RBFOX3: variants seen among roughly 807,000 people sequenced by gnomAD.
The protein encoded by RBFOX3 is RNA binding protein fox-1 homolog 3.
In RBFOX3, 17 loss-of-function variants were observed where a neutral mutation model predicts 48.7. The ratio of observed to expected loss-of-function variants is 0.35; its 90% CI spans 0.24 to 0.52. RBFOX3 has a LOEUF of 0.52. Among genes scored for constraint, RBFOX3 ranks in the 20% least tolerant of loss-of-function variants. The pLI is 0.94. For synonymous variants in RBFOX3, 212 were observed against 209.5 expected, an observed-to-expected ratio of 1.01 and a Z score of -0.10; for missense variants, 382 against 497.5, an observed-to-expected ratio of 0.77 and a Z score of 2.21.
At position 79,220,962 on chromosome 17, in the gene RBFOX3, A is replaced by C. The variant is rs897124057; in HGVS notation, c.-34+14804T>G. On this transcript the variant is annotated intron_variant, in intron 4 of 14. Transcript: ENST00000693108. This position sits in a 1 kb window ranked among gnomAD's most constrained non-coding sequence, Gnocchi z 5.9. ...GGCCACCGCCTGCAGGAGAGCCTGC[A>C]TCTAACGTCTGTCCTGCCTCAGCGT... is the stretch of plus-strand genomic sequence containing the variant. 8.5e-5 allele frequency among the ~76,000 whole-genome samples: 13 copies of C among 152,164 alleles called. No homozygotes were observed. Among genetic ancestry groups the C allele is most frequent in the Admixed American group, 3.3e-4 (5 of 15,286 alleles).
At chr17:79,339,948 C>T (rs901830868) in intron 2 of RBFOX3, among the ~76,000 whole-genome samples, 1 of 152,218 alleles carries the variant, frequency 6.6e-6, no homozygotes, top group Non-Finnish European at 1.5e-5. Flanking sequence ...CAGAGTCCTG[C>T]TGATGCCCCC....
chr17:79,401,661 C>T (rs1468870136), intron 2 of RBFOX3, among the ~76,000 whole-genome samples: 1 of 152,228 alleles, frequency 6.6e-6, no homozygotes, highest in Non-Finnish European at 1.5e-5. Flanking sequence ...ATCCCATGCC[C>T]CGTGTTTGGA....
chr17:79,262,100 T>C (rs2065881428), intron 3 of RBFOX3, among the ~76,000 whole-genome samples: 1 of 152,264 alleles, frequency 6.6e-6, no homozygotes, highest in Non-Finnish European at 1.5e-5. Context: ...AGATTCCCTT[T>C]CTCTGCCTGG....
chr17:79,415,483 C>T (rs551130541), intron 2 of RBFOX3, among the ~76,000 whole-genome samples: 10 of 152,332 alleles, frequency 6.6e-5, no homozygotes, highest in African/African-American at 1.9e-4. Context: ...CTGGACATCT[C>T]GGCTCTTGTA....
chr17:79,631,696 C>T, the RBFOX3 span, among the ~76,000 whole-genome samples: 2 of 152,206 alleles, frequency 1.3e-5, no homozygotes, highest in African/African-American at 2.4e-5. Flanking sequence ...AGTGGCTCAC[C>T]TCTCAGGAGG....
intron 5 of RBFOX3, among the ~76,000 whole-genome samples, chr17:79,112,376 GGATGAACACGGACTTCCCA>G (rs1359454068): frequency 5.3e-5 from 8 of 152,278 alleles, no homozygotes; most frequent in Non-Finnish European, 1.0e-4. Flanking sequence ...GCCCTGAGTT[GGATGAACACGGACTTCCCA>G]CCAATTGCTG....
chr17:79,150,644 A>G (rs1175557207), intron 4 of RBFOX3, among the ~76,000 whole-genome samples: 1 of 152,124 alleles, frequency 6.6e-6, no homozygotes, highest in Non-Finnish European at 1.5e-5. Flanking sequence ...TCTGGGGGCA[A>G]GGCCAGGCCT....
At chr17:79,118,577 CA>C (rs2034762566) in intron 4 of RBFOX3, among the ~76,000 whole-genome samples, 1 of 152,092 alleles carries the variant, frequency 6.6e-6, no homozygotes, top group African/African-American at 2.4e-5. Context: ...CCTGCAGACA[CA>C]GGGGAGATGA....
In RBFOX3 at chr17:79,407,118, C is replaced by T. The variant is rs140971880; in HGVS notation, c.-175+75336G>A. Among the ~76,000 whole-genome samples the T allele has an allele frequency of 2.0e-4, 31 of 152,364 alleles. No homozygotes were observed. The East Asian group carries it at 5.2e-3, about 26-fold the overall frequency. ...TGCCTCCTGGGTTCAAGCAACTCTC[C>T]TACCTCAGCCTCCCAAGTAGCTGGG... On this transcript the variant is annotated intron_variant, in intron 2 of 14. Transcript: ENST00000693108.
At chr17:79,528,026 G>A (rs1207079211) in intron 1 of RBFOX3, among the ~76,000 whole-genome samples, 3 of 152,250 alleles carry the variant, frequency 2.0e-5, no homozygotes, top group African/African-American at 7.2e-5. Context: ...CCTCTGAGGA[G>A]AATCTTAGTT....
rs796435319 is a variant in RBFOX3, at chr17:79,297,081, G to A, written c.-74+10643C>T. On this transcript the variant is annotated intron_variant, in intron 3 of 14. Transcript: ENST00000693108. ...TTGGCCAGTGTCTTGCTCTGTGTGC[G>A]TTCATTTTCTTAAAGTGATGCCCAA... Among the ~76,000 whole-genome samples the A allele has an allele frequency of 7.3e-5, 11 of 151,654 alleles. No homozygotes were observed. The South Asian group carries it at 1.3e-3, about 17-fold the overall frequency.
intron 2 of RBFOX3, among the ~76,000 whole-genome samples, chr17:79,337,381 G>A (rs893175029): frequency 2.6e-5 from 4 of 151,966 alleles, no homozygotes; most frequent in South Asian, 2.1e-4. Context: ...AGCTGCATCC[G>A]GGCACAAATG....
At chr17:79,236,382 G>A (rs938762245) in intron 3 of RBFOX3, among the ~76,000 whole-genome samples, 1 of 152,050 alleles carries the variant, frequency 6.6e-6, no homozygotes, top group Non-Finnish European at 1.5e-5. Context: ...TCCGCCTCCT[G>A]GGTTCGAGCG....
chr17:79,490,470 T>A (rs1456973168), intron 1 of RBFOX3, among the ~76,000 whole-genome samples: 1 of 152,182 alleles, frequency 6.6e-6, no homozygotes, highest in Admixed American at 6.5e-5. Context: ...ATGAGGCTGA[T>A]CCTAGTGGTA....
intron 4 of RBFOX3, among the ~76,000 whole-genome samples, chr17:79,211,574 G>A (rs926159803): frequency 6.6e-6 from 1 of 152,188 alleles, no homozygotes; most frequent in Non-Finnish European, 1.5e-5. Flanking sequence ...CCAGCAGCCT[G>A]GGAGAGCCCT....
At chr17:79,154,086 C>T (rs1228183943) in intron 4 of RBFOX3, among the ~76,000 whole-genome samples, 5 of 152,184 alleles carry the variant, frequency 3.3e-5, no homozygotes, top group East Asian at 3.9e-4. Context: ...CTCCTGACCC[C>T]GGCCCCCAAG....
chr17:79,578,445 G>A (rs983873905), intron 1 of RBFOX3, among the ~76,000 whole-genome samples: 8 of 152,258 alleles, frequency 5.3e-5, no homozygotes, highest in South Asian at 2.1e-4. Flanking sequence ...CACAGGTGCC[G>A]TTCTTTGGGG....
rs371701917 is a variant in RBFOX3 at position 79,103,341 on chromosome 17, GA to G, written c.415-88del. The G allele has an allele frequency of 4.6e-4, 404 of 886,916 alleles. No individual in the cohort carries two copies. In the African/African-American group the frequency reaches 5.6e-3, roughly 12 times the overall value. The allele number at this position is 886,916 out of a possible 1,614,324, so 54.9% of individuals were successfully genotyped here. A position where few individuals can be genotyped will look rare whatever the true frequency, so the allele number is the denominator to read the frequency against. On this transcript the variant is annotated intron_variant, in intron 7 of 14. Coordinates refer to ENST00000693108, the MANE Select transcript of RBFOX3 (RefSeq NM_001350451.2). The surrounding 1 kb of genome is among the most constrained non-coding windows in gnomAD (Gnocchi z 6.1). ...GGAAGACGAGGAAGAAGAGGAGTGG[GA>G]GGGGGGCAGGGGAGTGGGGAGAGAG... is the stretch of plus-strand genomic sequence containing the variant.
At chr17:79,377,895 C>A (rs751848) in intron 2 of RBFOX3, among the ~76,000 whole-genome samples, 59,065 of 151,956 alleles carry the variant, frequency 0.39, 11,516 homozygotes, top group Non-Finnish European at 0.39. Flanking sequence ...AGAGAGGGGG[C>A]AGGGCATATC....
Sources: allele counts gnomAD v4.1 joint callset (sites outside exome capture counted in the v4.1 genomes callset), GRCh38; gene constraint gnomAD v4.1.1; non-coding constraint Gnocchi (gnomAD v3.1); transcripts MANE v1.5; gene names NCBI Gene and HGNC (gene_info 2026-07-23, HGNC 2026-07-21).